ANKRD36C: variants seen among roughly 807,000 people sequenced by gnomAD.
ANKRD36C encodes the protein ankyrin repeat domain 36C, also known as ankyrin repeat domain-containing protein 36C.
In ANKRD36C, 61 loss-of-function variants were observed where a neutral mutation model predicts 276.4. The observed-to-expected ratio is 0.22, with a 90% confidence interval of 0.18 to 0.27. The LOEUF (loss-of-function observed/expected upper bound fraction) is 0.27. Among genes scored for constraint, ANKRD36C ranks in the 10% least tolerant of loss-of-function variants. The pLI is 1.00. For synonymous variants in ANKRD36C, 483 were observed against 680.1 expected, an observed-to-expected ratio of 0.71 and a Z score of 4.51; for missense variants, 1,447 against 2,032.3, an observed-to-expected ratio of 0.71 and a Z score of 5.54.
downstream of ANKRD36C, among the ~76,000 whole-genome samples, chr2:95,849,749 C>T (rs1000392215): frequency 2.0e-5 from 3 of 152,204 alleles, no homozygotes; most frequent in African/African-American, 7.2e-5. Context: ...ACCTAGATCC[C>T]TTGAACGTGC....
intron 46 of ANKRD36C, among the ~76,000 whole-genome samples, chr2:95,890,746 A>C (rs1157302829): frequency 2.0e-5 from 3 of 151,570 alleles, no homozygotes; most frequent in Non-Finnish European, 4.4e-5. Context: ...TTAGATATTA[A>C]TCAGTTTTTC....
chr2:95,987,064 T>C (rs1248455422), intron 2 of ANKRD36C, 28 bp downstream of exon 2: 1 of 1,377,432 alleles, frequency 7.3e-7, no homozygotes, highest in Non-Finnish European at 9.7e-7. Flanking sequence ...ATCCATCTCA[T>C]GCTCAAAAAG....
At position 95,923,746 on chromosome 2, in the gene ANKRD36C, T is replaced by G. The variant is rs1216793425; in HGVS notation, c.2042-57A>C. On this transcript the variant is annotated intron_variant, in intron 30 of 66. Transcript: ENST00000456556. ...TATGTAAATATGATAAAGTTATCTA[T>G]ACATTCATGAAGTGTTAGAATCAAG... 13 of 1,596,140 alleles carry G rather than the reference T, an allele frequency of 8.1e-6. No homozygotes were observed. In the East Asian group the frequency reaches 2.7e-4, roughly 33 times the overall value.
At chr2:95,914,220 A>C (rs1677020214) in intron 39 of ANKRD36C, 40 bp from the exon 42 acceptor site, 1 of 1,562,894 alleles carries the variant, frequency 6.4e-7, no homozygotes, top group South Asian at 1.2e-5. Flanking sequence ...TTAATAAAGT[A>C]TGTTTCATAG....
intron 3 of ANKRD36C, among the ~76,000 whole-genome samples, chr2:95,984,125 T>A (rs1363512759): frequency 6.6e-6 from 1 of 152,002 alleles, no homozygotes; most frequent in East Asian, 1.9e-4. Context: ...ACCAAAGGAT[T>A]TATATAAAAT....
intron 34 of ANKRD36C, among the ~76,000 whole-genome samples, chr2:95,919,091 T>A (rs1291480571): frequency 7.3e-6 from 1 of 136,828 alleles, no homozygotes; most frequent in Non-Finnish European, 1.6e-5. Flanking sequence ...GTGTGCTTTA[T>A]CCCAATTCTA....
rs573099902 is a variant in ANKRD36C at position 95,956,444 on chromosome 2, C to T, written c.1136+342G>A. 3.3e-5 allele frequency among the ~76,000 whole-genome samples: 5 copies of T among 152,254 alleles called. No individual in the cohort carries two copies. The East Asian group carries it at 9.7e-4, about 29-fold the overall frequency. On this transcript the variant is annotated intron_variant, in intron 13 of 66. Transcript: ENST00000456556. The stretch of plus-strand genomic sequence containing the variant: ...GAATTGATCTGAGTTACACCAGTAC[C>T]GTGATCGCATTGCTGCATAGGTCTG...
intron 32 of ANKRD36C, 43 bp from the exon 33 acceptor site, chr2:95,921,853 C>T (rs1677280766): frequency 3.9e-6 from 6 of 1,556,166 alleles, no homozygotes; most frequent in Non-Finnish European, 3.5e-6. Context: ...AAATATGATA[C>T]ATTTTCCATA....
intron 3 of ANKRD36C, among the ~76,000 whole-genome samples, chr2:95,985,170 G>A (rs1192562313): frequency 2.0e-5 from 3 of 152,170 alleles, no homozygotes; most frequent in African/African-American, 7.2e-5. Context: ...CCCTATGAAT[G>A]GCAGTGAATA....
intron 59 of ANKRD36C, among the ~76,000 whole-genome samples, chr2:95,870,908 G>C (rs1316918517): frequency 1.3e-5 from 2 of 152,158 alleles, no homozygotes; most frequent in African/African-American, 4.8e-5. Flanking sequence ...CTGGAAGAAA[G>C]GGTATCAGTG....
rs1676706301 is a variant in ANKRD36C at position 95,903,134 on chromosome 2, T to A, written c.2654-3798A>T. ...CTCATATGTAAAAATGACAAAATTA[T>A]CCACATATTCATGCAGTGTTAGCAT... On this transcript the variant is annotated intron_variant, in intron 42 of 66. Coordinates refer to ENST00000456556, the Ensembl canonical transcript of ANKRD36C. 1.5e-5 allele frequency: 23 copies of A among 1,539,378 alleles called. 1 individual carries two copies. Among genetic ancestry groups the A allele is most frequent in the Non-Finnish European group, 2.0e-5 (23 of 1,139,178 alleles).
rs542482023 is a variant in ANKRD36C, at chr2:95,968,515, T to A, written c.800-5968A>T. ...GTGCAGCTAGAACAGCAGTCCCCCT[T>A]ATCTGCTGTATGTGTAGAAAACACA... On this transcript the variant is annotated intron_variant, in intron 6 of 66. Transcript: ENST00000456556. Among the ~76,000 whole-genome samples, 18 of 152,304 alleles carry A rather than the reference T, an allele frequency of 1.2e-4. 1 individual carries two copies. In the South Asian group the frequency reaches 3.5e-3, roughly 30 times the overall value.
chr2:95,982,412 A>G, intron 3 of ANKRD36C, 50 bp from the exon 4 acceptor site: 1 of 1,436,006 alleles, frequency 7.0e-7, no homozygotes, highest in Non-Finnish European at 9.5e-7. Flanking sequence ...ATATTTATCA[A>G]CTGAAATGAA....
intron 5 of ANKRD36C, among the ~76,000 whole-genome samples, chr2:95,979,465 C>T (rs894486152): frequency 1.7e-4 from 26 of 152,086 alleles, no homozygotes; most frequent in Middle Eastern, 3.4e-3. Context: ...CAATGAATGG[C>T]TTCCTGTGAA....
chr2:95,986,905 T>C (rs1679039519), exon 3 of ANKRD36C: 2 of 1,612,258 alleles, frequency 1.2e-6, no homozygotes, highest in Non-Finnish European at 1.7e-6. Context: ...TGCACAAGCC[T>C]CCTGCCTCAG....
intron 6 of ANKRD36C, among the ~76,000 whole-genome samples, chr2:95,970,327 C>T (rs1678672572): frequency 6.6e-6 from 1 of 152,138 alleles, no homozygotes. Flanking sequence ...TCCTTAAATT[C>T]AGCTTTCATT....
chr2:95,851,453 A>G (rs1351146739), intron 66 of ANKRD36C, among the ~76,000 whole-genome samples: 2 of 152,230 alleles, frequency 1.3e-5, no homozygotes, highest in Non-Finnish European at 2.9e-5. Flanking sequence ...AAATTACTGT[A>G]AAACATTGTA....
intron 22 of ANKRD36C, among the ~76,000 whole-genome samples, chr2:95,938,043 A>G (rs1425516277): frequency 6.6e-6 from 1 of 152,194 alleles, no homozygotes; most frequent in Non-Finnish European, 1.5e-5. Flanking sequence ...TATTCCACTG[A>G]TTACAAAAGC....
At chr2:95,869,868 C>T (rs1470897224) in intron 59 of ANKRD36C, among the ~76,000 whole-genome samples, 1 of 152,250 alleles carries the variant, frequency 6.6e-6, no homozygotes, top group African/African-American at 2.4e-5. Context: ...ATATCCTGCA[C>T]CTGGCTCAGA....
Sources: gnomAD v4.1 joint callset for allele counts (sites outside exome capture counted in the v4.1 genomes callset) on GRCh38, gnomAD v4.1.1 for gene constraint, MANE v1.5 for transcripts, NCBI Gene and HGNC (gene_info 2026-07-23, HGNC 2026-07-21) for gene names.